EFCAB6: variants seen among roughly 807,000 people sequenced by gnomAD.
EFCAB6 encodes EF-hand calcium binding domain 6, also known as EF-hand calcium-binding domain-containing protein 6.
A neutral mutation model predicts 169.8 loss-of-function variants in EFCAB6; 156 were observed. The observed-to-expected ratio is 0.92, with a 90% confidence interval of 0.81 to 1.05. The LOEUF (loss-of-function observed/expected upper bound fraction) is 1.05. EFCAB6 is among the 50% of genes least tolerant of loss of function. The probability of loss-of-function intolerance (pLI) is 0.00; values close to 1 mark genes in which losing one functional copy is unlikely to be tolerated. For synonymous variants in EFCAB6, 698 were observed against 676.4 expected, an observed-to-expected ratio of 1.03 and a Z score of -0.50; for missense variants, 1,800 against 1,829.1, an observed-to-expected ratio of 0.98 and a Z score of 0.29.
intron 17 of EFCAB6, among the ~76,000 whole-genome samples, chr22:43,640,878 T>A (rs145521354): frequency 4.6e-5 from 7 of 152,154 alleles, no homozygotes; most frequent in Non-Finnish European, 7.3e-5. Context: ...GAAGCAAAAC[T>A]CCCAGGAATA....
intron 8 of EFCAB6, among the ~76,000 whole-genome samples, chr22:43,725,587 AG>A (rs2059699240): frequency 6.6e-6 from 1 of 152,198 alleles, no homozygotes; most frequent in Non-Finnish European, 1.5e-5. Context: ...TGAGTTTTGG[AG>A]GGGGCTAACA....
chr22:43,786,977 G>A (rs781226010), intron 2 of EFCAB6, among the ~76,000 whole-genome samples: 3 of 152,044 alleles, frequency 2.0e-5, no homozygotes, highest in Admixed American at 6.5e-5. Flanking sequence ...CTCACTAAGT[G>A]CAGAAAAAGC....
chr22:43,693,377 A>G (rs558801537), intron 10 of EFCAB6, among the ~76,000 whole-genome samples: 1 of 151,810 alleles, frequency 6.6e-6, no homozygotes, highest in East Asian at 1.9e-4. Flanking sequence ...CTCCAGTCTA[A>G]TCAGCCAAAT....
intron 10 of EFCAB6, among the ~76,000 whole-genome samples, chr22:43,692,720 A>T (rs1452811489): frequency 6.6e-6 from 1 of 152,186 alleles, no homozygotes; most frequent in Non-Finnish European, 1.5e-5. Context: ...TATTTATCAA[A>T]TGAGTAGACT....
chr22:43,540,359 T>C lies in EFCAB6; in HGVS notation c.3649-2A>G, dbSNP rs767937974. ...CATCTCGTTCCAGAGTCTGTCAAACTGGAGAAGGAGCAGAAGTCATTTCCC... is the reference window on the plus strand; with the variant it reads ...CATCTCGTTCCAGAGTCTGTCAAACCGGAGAAGGAGCAGAAGTCATTTCCC... On this transcript the variant is annotated splice_acceptor_variant, in intron 27 of 31. Coordinates refer to ENST00000262726, the MANE Select transcript of EFCAB6 (RefSeq NM_022785.4). LOFTEE classifies it high-confidence loss of function. 1 of 1,613,956 alleles carries C rather than the reference T, an allele frequency of 6.2e-7. No homozygotes were observed.
intron 27 of EFCAB6, among the ~76,000 whole-genome samples, chr22:43,542,079 C>T (rs143042208): frequency 1.4e-3 from 214 of 152,354 alleles, no homozygotes; most frequent in South Asian, 1.9e-3. Context: ...GGGGAGGACC[C>T]GGTAGGCTTG....
chr22:43,760,984 A>T (rs574122222), intron 5 of EFCAB6, among the ~76,000 whole-genome samples: 1 of 152,362 alleles, frequency 6.6e-6, no homozygotes, highest in African/African-American at 2.4e-5. Context: ...AACATGGGTA[A>T]GCCTTAAAAA....
At chr22:43,742,590 A>C (rs1415550042) in intron 6 of EFCAB6, among the ~76,000 whole-genome samples, 1 of 152,212 alleles carries the variant, frequency 6.6e-6, no homozygotes, top group Non-Finnish European at 1.5e-5. Context: ...AGAGCCAGGA[A>C]ATGGGCCTGC....
intron 17 of EFCAB6, among the ~76,000 whole-genome samples, chr22:43,660,971 G>A (rs1313480549): frequency 6.6e-6 from 1 of 152,216 alleles, no homozygotes; most frequent in African/African-American, 2.4e-5. Context: ...AGGGAGAGGG[G>A]AAGAGAAACA....
At chr22:43,580,204 G>A (rs1367345113) in intron 25 of EFCAB6, among the ~76,000 whole-genome samples, 1 of 152,142 alleles carries the variant, frequency 6.6e-6, no homozygotes, top group African/African-American at 2.4e-5. Context: ...AAGGGCCTCT[G>A]TTTTCTGCCT....
chr22:43,531,058 T>C, intron 30 of EFCAB6, 94 bp from the exon 31 acceptor site: 1 of 1,538,106 alleles, frequency 6.5e-7, no homozygotes, highest in Non-Finnish European at 8.9e-7. Context: ...CGCCCAGCCC[T>C]GCTCCGGCTT....
intron 20 of EFCAB6, among the ~76,000 whole-genome samples, chr22:43,620,654 G>C (rs1179384631): frequency 6.6e-6 from 1 of 152,098 alleles, no homozygotes; most frequent in African/African-American, 2.4e-5. Flanking sequence ...AGAAAGAGAG[G>C]AATAGCAACA....
intron 26 of EFCAB6, among the ~76,000 whole-genome samples, chr22:43,564,346 G>A (rs865939988): frequency 9.9e-5 from 15 of 152,156 alleles, no homozygotes; most frequent in African/African-American, 3.6e-4. Flanking sequence ...TACTTGGCAA[G>A]CTGAGACATG....
At chr22:43,733,688 C>T (rs1259723263) in intron 7 of EFCAB6, among the ~76,000 whole-genome samples, 1 of 152,116 alleles carries the variant, frequency 6.6e-6, no homozygotes. Flanking sequence ...TTCATCCCAG[C>T]CCTGAGAGGT....
intron 24 of EFCAB6, among the ~76,000 whole-genome samples, chr22:43,581,943 G>C (rs2050752385): frequency 6.6e-6 from 1 of 152,164 alleles, no homozygotes; most frequent in African/African-American, 2.4e-5. Context: ...ATTTAGAAAA[G>C]TCTATTTTGG....
At chr22:43,645,308 A>C (rs1195668829) in intron 17 of EFCAB6, among the ~76,000 whole-genome samples, 1 of 152,268 alleles carries the variant, frequency 6.6e-6, no homozygotes, top group African/African-American at 2.4e-5. Context: ...GGCAAATTAA[A>C]GTGCATGTCA....
At chr22:43,719,711 C>T (rs920200860) in intron 8 of EFCAB6, among the ~76,000 whole-genome samples, 1 of 152,110 alleles carries the variant, frequency 6.6e-6, no homozygotes, top group Admixed American at 6.5e-5. Flanking sequence ...TCCTTATTTA[C>T]AAGAAGAGAT....
At chr22:43,541,930 T>C (rs1189879702) in intron 27 of EFCAB6, among the ~76,000 whole-genome samples, 1 of 152,230 alleles carries the variant, frequency 6.6e-6, no homozygotes, top group African/African-American at 2.4e-5. Flanking sequence ...TGGCTGAAGT[T>C]CCTAAGAGAC....
chr22:43,783,742 A>G (rs2061911359), intron 2 of EFCAB6, among the ~76,000 whole-genome samples: 1 of 152,244 alleles, frequency 6.6e-6, no homozygotes, highest in Non-Finnish European at 1.5e-5. Flanking sequence ...TATGATTTCC[A>G]CAACTACTAC....
Sources: allele counts gnomAD v4.1 joint callset (sites outside exome capture counted in the v4.1 genomes callset), GRCh38; gene constraint gnomAD v4.1.1; transcripts MANE v1.5; gene names NCBI Gene and HGNC (gene_info 2026-07-23, HGNC 2026-07-21).